Variants in ANP32B observed in about 807,000 individuals in gnomAD.
The protein encoded by ANP32B is acidic leucine-rich nuclear phosphoprotein 32 family member B.
A neutral mutation model predicts 32.2 loss-of-function variants in ANP32B; 6 were observed. That is an observed-to-expected ratio of 0.19 (90% CI 0.10 to 0.37). The LOEUF is 0.37. ANP32B is among the 10% of genes least tolerant of loss of function. ANP32B has a pLI of 1.00. For missense variants in ANP32B, 204 were observed against 289.2 expected (o/e 0.71, Z 2.14); for synonymous variants, 98 against 105.8 (o/e 0.93, Z 0.45).
chr9:98,013,237 G>C (rs942988800), intron 6 of ANP32B, among the ~76,000 whole-genome samples: 2 of 152,180 alleles, frequency 1.3e-5, no homozygotes, highest in African/African-American at 4.8e-5. Flanking sequence ...TGGCCAGCCT[G>C]GTCTTGAATT....
In ANP32B at chr9:97,983,443, C is replaced by T; in HGVS notation, c.-113C>T. On this transcript the variant is annotated 5_prime_UTR_variant, in exon 1 of 7. Coordinates refer to ENST00000339399, the MANE Select transcript of ANP32B (RefSeq NM_006401.3). ...CCGCCACCCAGGACCGCGCCGCCGG[C>T]CTCCGCCGCTAGCAAACCCTTCCGA... is the stretch of plus-strand genomic sequence containing the variant. 1.0e-6 allele frequency: 1 copy of T among 993,472 alleles called. No individual in the cohort carries two copies. Among genetic ancestry groups the T allele is most frequent in the South Asian group, 1.5e-5 (1 of 67,636 alleles). The allele number at this position is 993,472 out of a possible 1,614,324, so 61.5% of individuals were successfully genotyped here.
chr9:97,992,524 G>A (rs1345558742), intron 1 of ANP32B, among the ~76,000 whole-genome samples: 1 of 152,228 alleles, frequency 6.6e-6, no homozygotes, highest in Non-Finnish European at 1.5e-5. Context: ...CTGAGAGGCA[G>A]TGTGGCTAAC....
At position 97,984,360 on chromosome 9, in the gene ANP32B, C is replaced by T. The variant is rs117549042; in HGVS notation, c.54+751C>T. 7.3e-5 allele frequency among the ~76,000 whole-genome samples: 11 copies of T among 151,552 alleles called. No homozygotes were observed. In the East Asian group the frequency reaches 1.6e-3, roughly 21 times the overall value. ...CAAAAATAAAACTTTCTCCCCCGTT[C>T]TCTCGCTCCCTCTTCGCCCTCGGCC... On this transcript the variant is annotated intron_variant, in intron 1 of 6. Transcript: ENST00000339399.
chr9:98,004,099 T>G (rs1003952847), intron 3 of ANP32B, among the ~76,000 whole-genome samples: 1 of 152,220 alleles, frequency 6.6e-6, no homozygotes, highest in Non-Finnish European at 1.5e-5. Context: ...TACACTGATA[T>G]AATAACAAAT....
rs192386922 is a variant in ANP32B at position 97,994,813 on chromosome 9, C to T, written c.204+33C>T. 6,728 of 1,559,814 alleles carry T rather than the reference C, an allele frequency of 4.3e-3. 38 individuals are homozygous for T. The highest frequency in any genetic ancestry group is 7.0e-3 in the South Asian group (581 of 82,928). ...CTTTTTCTTTAACAGTAAAAGAGAA[C>T]GATCCTGGGAAGGGAAAATGTATGA... is the stretch of plus-strand genomic sequence containing the variant. On this transcript the variant is annotated intron_variant, in intron 2 of 6. Coordinates refer to ENST00000339399, the MANE Select transcript of ANP32B (RefSeq NM_006401.3).
intron 4 of ANP32B, 74 bp downstream of exon 4, chr9:98,005,227 C>T: frequency 1.4e-6 from 2 of 1,464,886 alleles, no homozygotes; most frequent in Admixed American, 2.1e-5. Context: ...TGGATGTTGG[C>T]CGGGCGCAGT....
chr9:97,989,279 A>G (rs951067879), intron 1 of ANP32B, among the ~76,000 whole-genome samples: 8 of 152,200 alleles, frequency 5.3e-5, no homozygotes, highest in Non-Finnish European at 1.0e-4. Context: ...GCTGCAATAT[A>G]GTTCAAATTT....
rs1827945074 is a variant in ANP32B, at chr9:97,998,792, T to TTC, written c.327+115_327+116insCT. ...AATTGGTTGAGAAAGTGGTGGCTTTTTTTTTTTTTTTTTTTTTTTTTTTTT... is the reference window on the plus strand; with the variant it reads ...AATTGGTTGAGAAAGTGGTGGCTTTTTCTTTTTTTTTTTTTTTTTTTTTTTTT... On this transcript the variant is annotated intron_variant, in intron 3 of 6. Transcript: ENST00000339399. The TTC allele has an allele frequency of 2.4e-5, 2 of 83,480 alleles. 1 individual carries two copies. The highest frequency in any genetic ancestry group is 3.6e-5 in the Non-Finnish European group (2 of 56,034). 5.2% of individuals were successfully genotyped at this position (83,480 alleles called of 1,614,324 possible). A position where few individuals can be genotyped will look rare whatever the true frequency, so the allele number is the denominator to read the frequency against.
At chr9:98,003,254 G>A (rs1828024477) in intron 3 of ANP32B, among the ~76,000 whole-genome samples, 1 of 152,206 alleles carries the variant, frequency 6.6e-6, no homozygotes, top group Admixed American at 6.5e-5. Flanking sequence ...ACGTTTTCCT[G>A]TTGCTGTAAC....
chr9:98,002,866 A>G (rs1002296866), intron 3 of ANP32B, among the ~76,000 whole-genome samples: 1 of 152,224 alleles, frequency 6.6e-6, no homozygotes, highest in Admixed American at 6.5e-5. Context: ...TTTCTAGGAA[A>G]TAATTCTGAA....
At chr9:97,987,152 G>A (rs1365422864) in intron 1 of ANP32B, among the ~76,000 whole-genome samples, 1 of 152,178 alleles carries the variant, frequency 6.6e-6, no homozygotes, top group Non-Finnish European at 1.5e-5. Flanking sequence ...AGGGATGGGG[G>A]CGAGGGATTG....
chr9:97,993,933 A>G (rs1385104419), intron 1 of ANP32B, among the ~76,000 whole-genome samples: 1 of 152,188 alleles, frequency 6.6e-6, no homozygotes, highest in Non-Finnish European at 1.5e-5. Context: ...GCGCCCGGCC[A>G]GATGTGATAC....
In ANP32B at chr9:98,005,163, C is replaced by T; in HGVS notation, c.517+10C>T. On this transcript the variant is annotated intron_variant, in intron 4 of 6. Coordinates refer to ENST00000339399, the MANE Select transcript of ANP32B (RefSeq NM_006401.3). Reference sequence around the variant, plus strand: ...GAGGAGGAGGACGAAGGTGAGTAGGCTCAGCATCTGGTGAACCTGATGTCT... The same window carrying T: ...GAGGAGGAGGACGAAGGTGAGTAGGTTCAGCATCTGGTGAACCTGATGTCT... 6.2e-7 allele frequency: 1 copy of T among 1,610,528 alleles called. No homozygotes were observed. The highest frequency in any genetic ancestry group is 8.5e-7 in the Non-Finnish European group (1 of 1,178,248).
chr9:97,993,106 A>C (rs1360845348), intron 1 of ANP32B, among the ~76,000 whole-genome samples: 1 of 152,192 alleles, frequency 6.6e-6, no homozygotes, highest in Non-Finnish European at 1.5e-5. Context: ...GAGATACCTA[A>C]AGAAAAGTGG....
intron 6 of ANP32B, among the ~76,000 whole-genome samples, chr9:98,012,976 C>T (rs1473319706): frequency 2.6e-5 from 4 of 152,174 alleles, no homozygotes; most frequent in Non-Finnish European, 4.4e-5. Context: ...GTGGTCCACC[C>T]GCCTCAGCCT....
intron 1 of ANP32B, among the ~76,000 whole-genome samples, chr9:97,990,131 G>A (rs757952071): frequency 4.6e-5 from 7 of 152,188 alleles, no homozygotes; most frequent in Non-Finnish European, 8.8e-5. Flanking sequence ...AAAGAAATCT[G>A]TTCTTCCCAA....
intron 3 of ANP32B, among the ~76,000 whole-genome samples, chr9:97,999,779 T>C (rs1827960051): frequency 6.6e-6 from 1 of 152,240 alleles, no homozygotes; most frequent in Admixed American, 6.5e-5. Flanking sequence ...GAAAAGGGCT[T>C]CCAGAGGCAG....
At chr9:97,985,026 A>G (rs1827689363) in intron 1 of ANP32B, among the ~76,000 whole-genome samples, 1 of 148,714 alleles carries the variant, frequency 6.7e-6, no homozygotes, top group Non-Finnish European at 1.5e-5. Context: ...GAATTGCCCC[A>G]TTCGTCTCCC....
At chr9:97,995,183 A>G (rs1290295441) in intron 2 of ANP32B, among the ~76,000 whole-genome samples, 4 of 152,208 alleles carry the variant, frequency 2.6e-5, no homozygotes, top group African/African-American at 7.2e-5. Flanking sequence ...TTCTCTTGTC[A>G]CTGCACATTT....
Sources: gnomAD v4.1 joint callset for allele counts (sites outside exome capture counted in the v4.1 genomes callset) on GRCh38, gnomAD v4.1.1 for gene constraint, MANE v1.5 for transcripts, NCBI Gene and HGNC (gene_info 2026-07-23, HGNC 2026-07-21) for gene names.